The following RAPGEF2 variants were observed in gnomAD, a reference collection of about 807,000 sequenced individuals.
RAPGEF2 encodes the protein Rap guanine nucleotide exchange factor 2.
In RAPGEF2, 54 loss-of-function variants were observed where a neutral mutation model predicts 186.7. The observed-to-expected ratio is 0.29, with a 90% CI of 0.23 to 0.36. RAPGEF2 has a LOEUF of 0.36. Ranked by LOEUF, RAPGEF2 falls within the 10% of genes least tolerant of loss-of-function variation. The pLI, the probability that RAPGEF2 is intolerant of heterozygous loss-of-function variation, is 1.00. For synonymous variants in RAPGEF2, 712 were observed against 705.9 expected, an observed-to-expected ratio of 1.01 and a Z score of -0.14; for missense variants, 1,532 against 2,045.0, an observed-to-expected ratio of 0.75 and a Z score of 4.84.
At chr4:159,351,641 CA>C (rs1161027267) in intron 26 of RAPGEF2, among the ~76,000 whole-genome samples, 1 of 152,002 alleles carries the variant, frequency 6.6e-6, no homozygotes, top group Non-Finnish European at 1.5e-5. Context: ...GGATTTTTTT[CA>C]TTAAAAATAC....
At chr4:159,179,125 A>G (rs903158545) in intron 1 of RAPGEF2, among the ~76,000 whole-genome samples, 1 of 152,212 alleles carries the variant, frequency 6.6e-6, no homozygotes, top group African/African-American at 2.4e-5. Flanking sequence ...TATTGTTCTA[A>G]AAAATGCTGC....
intron 1 of RAPGEF2, among the ~76,000 whole-genome samples, chr4:159,153,949 G>A (rs1743834309): frequency 6.6e-6 from 1 of 152,102 alleles, no homozygotes; most frequent in Non-Finnish European, 1.5e-5. Context: ...CAAAAGAAGG[G>A]CCCGTGTTTT....
intron 1 of RAPGEF2, among the ~76,000 whole-genome samples, chr4:159,157,515 G>C (rs901482175): frequency 2.0e-5 from 3 of 152,046 alleles, no homozygotes; most frequent in Non-Finnish European, 4.4e-5. Flanking sequence ...CTAGGGTTTC[G>C]GAGTCAGACC....
chr4:159,195,875 G>GTT (rs34827512), intron 3 of RAPGEF2, among the ~76,000 whole-genome samples: 3,529 of 94,066 alleles, frequency 0.038, 325 homozygotes, highest in Non-Finnish European at 0.05. Context: ...AAACATACCT[G>GTT]TTTTTTTTTT....
chr4:159,213,466 A>G (rs1383410377), intron 4 of RAPGEF2, among the ~76,000 whole-genome samples: 2 of 152,198 alleles, frequency 1.3e-5, no homozygotes, highest in African/African-American at 4.8e-5. Context: ...TTGACGGGTA[A>G]TTCACCTTGA....
chr4:159,147,192 T>C (rs938297541), intron 1 of RAPGEF2, among the ~76,000 whole-genome samples: 1 of 152,224 alleles, frequency 6.6e-6, no homozygotes, highest in Non-Finnish European at 1.5e-5. Context: ...GATAAAATTA[T>C]TTGCAGCATA....
intron 8 of RAPGEF2, among the ~76,000 whole-genome samples, chr4:159,311,114 C>T (rs950888323): frequency 6.6e-6 from 1 of 152,072 alleles, no homozygotes; most frequent in Admixed American, 6.6e-5. Flanking sequence ...CATTGAACAA[C>T]TTATTTAATG....
chr4:159,130,807 C>G (rs1461466930), intron 1 of RAPGEF2, among the ~76,000 whole-genome samples: 3 of 149,372 alleles, frequency 2.0e-5, no homozygotes, highest in Non-Finnish European at 4.5e-5. Flanking sequence ...GCCTCTCAGG[C>G]TCAGGTGTCC....
At chr4:159,209,874 G>C (rs1356235361) in intron 3 of RAPGEF2, among the ~76,000 whole-genome samples, 1 of 152,152 alleles carries the variant, frequency 6.6e-6, no homozygotes, top group Admixed American at 6.5e-5. Context: ...TATCAGTAGG[G>C]GGTTGCTTAA....
At chr4:159,294,495 T>C (rs1045439547) in intron 7 of RAPGEF2, among the ~76,000 whole-genome samples, 12 of 152,192 alleles carry the variant, frequency 7.9e-5, no homozygotes, top group Admixed American at 5.9e-4. Flanking sequence ...TTGTAGAATA[T>C]TACCAGTATT....
At chr4:159,304,585 A>G (rs1407241076) in intron 8 of RAPGEF2, 112 bp downstream of exon 8, 1 of 949,856 alleles carries the variant, frequency 1.1e-6, no homozygotes, top group South Asian at 2.1e-5. Flanking sequence ...TTACATGTGC[A>G]TGTAAGTACA....
At chr4:159,286,764 A>C (rs1760559452) in intron 7 of RAPGEF2, among the ~76,000 whole-genome samples, 1 of 152,196 alleles carries the variant, frequency 6.6e-6, no homozygotes. Context: ...CATGACTCTC[A>C]GATCTCAGCT....
At chr4:159,116,294 AAAG>A (rs1242726753) in intron 1 of RAPGEF2, among the ~76,000 whole-genome samples, 1 of 151,894 alleles carries the variant, frequency 6.6e-6, no homozygotes, top group East Asian at 1.9e-4. Context: ...ACAATTCTCA[AAAG>A]AAGACATTCA....
At chr4:159,170,455 T>C (rs1352003475) in intron 1 of RAPGEF2, among the ~76,000 whole-genome samples, 2 of 152,044 alleles carry the variant, frequency 1.3e-5, no homozygotes, top group Non-Finnish European at 2.9e-5. Flanking sequence ...AAAAAGACAA[T>C]ACAGTATAAC....
intron 7 of RAPGEF2, among the ~76,000 whole-genome samples, chr4:159,261,822 C>T (rs577349345): frequency 6.6e-6 from 1 of 152,272 alleles, no homozygotes; most frequent in Admixed American, 6.5e-5. Context: ...TTATAGATAA[C>T]CCCTTCTACC....
chr4:159,239,116 A>G (rs562351183), intron 5 of RAPGEF2, among the ~76,000 whole-genome samples: 18 of 152,196 alleles, frequency 1.2e-4, no homozygotes, highest in Non-Finnish European at 2.5e-4. Context: ...AAGTACAAGT[A>G]GCTAAGTGTT....
chr4:159,354,191 G>A, intron 28 of RAPGEF2, 145 bp downstream of exon 28: 1 of 938,364 alleles, frequency 1.1e-6, no homozygotes, highest in Non-Finnish European at 1.5e-6. Flanking sequence ...GGTGTGTTAA[G>A]GTCTTTGAAA....
intron 1 of RAPGEF2, among the ~76,000 whole-genome samples, chr4:159,134,898 ACTGT>A (rs1322552058): frequency 6.6e-6 from 1 of 152,204 alleles, no homozygotes; most frequent in Admixed American, 6.5e-5. Flanking sequence ...CTACCAGTTT[ACTGT>A]CTGTCTATGT....
intron 5 of RAPGEF2, among the ~76,000 whole-genome samples, chr4:159,239,521 ATGT>A (rs1753701040): frequency 6.6e-6 from 1 of 152,160 alleles, no homozygotes; most frequent in African/African-American, 2.4e-5. Context: ...CCTCTTTTTA[ATGT>A]AATTTTGTGA....
Sources: gnomAD v4.1 joint callset for allele counts (sites outside exome capture counted in the v4.1 genomes callset) on GRCh38, gnomAD v4.1.1 for gene constraint, MANE v1.5 for transcripts, NCBI Gene and HGNC (gene_info 2026-07-23, HGNC 2026-07-21) for gene names.